RHOBTB1: variants seen among roughly 807,000 people sequenced by gnomAD.
The protein encoded by RHOBTB1 is rho-related BTB domain-containing protein 1.
In RHOBTB1, 40 loss-of-function variants were observed where a neutral mutation model predicts 71.6. The ratio of observed to expected loss-of-function variants is 0.56; its 90% CI spans 0.43 to 0.73. The LOEUF (loss-of-function observed/expected upper bound fraction) is 0.73. RHOBTB1 is among the 30% of genes least tolerant of loss of function. The pLI, the probability that RHOBTB1 is intolerant of heterozygous loss-of-function variation, is 0.00. For synonymous variants in RHOBTB1, 319 were observed against 334.9 expected (o/e 0.95, Z 0.52); for missense variants, 797 against 894.0 (o/e 0.89, Z 1.38).
intron 2 of RHOBTB1, among the ~76,000 whole-genome samples, chr10:60,971,434 A>G (rs879365880): frequency 6.6e-6 from 1 of 152,196 alleles, no homozygotes; most frequent in Non-Finnish European, 1.5e-5. Flanking sequence ...GACAAAAACA[A>G]GCAATGGGGA....
intron 2 of RHOBTB1, among the ~76,000 whole-genome samples, chr10:60,939,007 A>C (rs2084756181): frequency 6.6e-6 from 1 of 152,128 alleles, no homozygotes; most frequent in South Asian, 2.1e-4. Flanking sequence ...GAGAGACGGA[A>C]CCTGAGATCA....
At chr10:60,868,156 GCTAA>G (rs1209321732), downstream of RHOBTB1, among the ~76,000 whole-genome samples, 7 of 151,698 alleles carry the variant, frequency 4.6e-5, no homozygotes, top group African/African-American at 1.2e-4. Context: ...ATTCTCTCTG[GCTAA>G]CTTTTACCTC....
intron 2 of RHOBTB1, among the ~76,000 whole-genome samples, chr10:60,956,508 C>T (rs1464319443): frequency 2.0e-5 from 3 of 151,988 alleles, no homozygotes; most frequent in African/African-American, 7.3e-5. Flanking sequence ...ATTTTGTAAG[C>T]TTAATTTTTA....
chr10:60,910,752 T>C, intron 4 of RHOBTB1, 135 bp downstream of exon 4: 2 of 590,962 alleles, frequency 3.4e-6, no homozygotes, highest in Non-Finnish European at 3.0e-6. Flanking sequence ...TTCTTTTCCT[T>C]TTCTTAGACA....
the RHOBTB1 span, among the ~76,000 whole-genome samples, chr10:60,863,655 C>G: frequency 6.6e-6 from 1 of 152,092 alleles, no homozygotes; most frequent in Non-Finnish European, 1.5e-5. Flanking sequence ...GCCTCAGCCT[C>G]CCGAGTAGCT....
chr10:60,958,676 T>A (rs2085677049), intron 2 of RHOBTB1, among the ~76,000 whole-genome samples: 1 of 152,156 alleles, frequency 6.6e-6, no homozygotes, highest in African/African-American at 2.4e-5. Flanking sequence ...TGATCACAGT[T>A]CACTGCCTTG....
intron 2 of RHOBTB1, among the ~76,000 whole-genome samples, chr10:60,970,716 A>G (rs1003797608): frequency 6.6e-6 from 1 of 152,078 alleles, no homozygotes; most frequent in Non-Finnish European, 1.5e-5. Context: ...GAGCTTACAT[A>G]GCTTTTTTTT....
At chr10:60,953,047 G>A (rs1466771399) in intron 2 of RHOBTB1, among the ~76,000 whole-genome samples, 2 of 152,116 alleles carry the variant, frequency 1.3e-5, no homozygotes, top group Non-Finnish European at 2.9e-5. Context: ...GGATACTACA[G>A]TGATTGTACC....
chr10:60,886,721 G>GA (rs1564800047), intron 6 of RHOBTB1, among the ~76,000 whole-genome samples: 8 of 141,496 alleles, frequency 5.7e-5, no homozygotes, highest in African/African-American at 1.6e-4. Flanking sequence ...GAGATGTGGG[G>GA]GGGGGTGGGT....
chr10:60,907,200 G>A (rs1362356169), intron 4 of RHOBTB1, among the ~76,000 whole-genome samples: 2 of 152,152 alleles, frequency 1.3e-5, no homozygotes, highest in African/African-American at 4.8e-5. Flanking sequence ...TCTCAAATAT[G>A]TCTTTATTAC....
upstream of RHOBTB1, among the ~76,000 whole-genome samples, chr10:60,949,085 T>G (rs936840436): frequency 4.6e-5 from 7 of 152,198 alleles, no homozygotes; most frequent in Non-Finnish European, 8.8e-5. Context: ...AGGCTCTTCA[T>G]TAATGCTAAG....
intron 2 of RHOBTB1, among the ~76,000 whole-genome samples, chr10:60,970,092 A>G (rs1010608208): frequency 2.6e-5 from 4 of 152,144 alleles, no homozygotes; most frequent in African/African-American, 9.7e-5. Context: ...TCAGGGCATC[A>G]TCCAATGCTG....
chr10:60,967,023 G>A (rs908553125), intron 2 of RHOBTB1, among the ~76,000 whole-genome samples: 2 of 151,950 alleles, frequency 1.3e-5, no homozygotes, highest in Non-Finnish European at 2.9e-5. Flanking sequence ...GTTAACAATG[G>A]TGCTTTTGGG....
intron 2 of RHOBTB1, among the ~76,000 whole-genome samples, chr10:60,915,109 A>G (rs2083200176): frequency 6.6e-6 from 1 of 152,234 alleles, no homozygotes; most frequent in Non-Finnish European, 1.5e-5. Flanking sequence ...ATGGAAACTC[A>G]TGCTACAGTT....
chr10:60,918,563 G>T (rs2083390832), intron 2 of RHOBTB1, among the ~76,000 whole-genome samples: 1 of 152,136 alleles, frequency 6.6e-6, no homozygotes, highest in Non-Finnish European at 1.5e-5. Context: ...AGGCAAGCGT[G>T]CAAGACTCCT....
At chr10:61,000,946 G>T (rs1313786937) in intron 1 of RHOBTB1, among the ~76,000 whole-genome samples, 1 of 152,180 alleles carries the variant, frequency 6.6e-6, no homozygotes, top group East Asian at 1.9e-4. Context: ...CCTACTTTCA[G>T]AAGACCCCAG....
chr10:60,993,386 T>C (rs986334613), intron 1 of RHOBTB1, among the ~76,000 whole-genome samples: 2 of 152,236 alleles, frequency 1.3e-5, no homozygotes, highest in Admixed American at 1.3e-4. Context: ...TTATTCCTTA[T>C]TACAATACTC....
In RHOBTB1 at chr10:60,957,076, T is replaced by G. The variant is rs183933237; in HGVS notation, c.-61-15222A>C. 2.9e-3 allele frequency among the ~76,000 whole-genome samples: 438 copies of G among 152,304 alleles called. 2 individuals are homozygous for G. Among genetic ancestry groups the G allele is most frequent in the African/African-American group, 0.01 (426 of 41,578 alleles). ...TTGTCTTCTGGGGCAATAACATATA[T>G]GGAGCTGTCCTCTCCTATGATAACA... is the stretch of plus-strand genomic sequence containing the variant. On this transcript the variant is annotated intron_variant, in intron 2 of 11. Coordinates refer to the RHOBTB1 transcript ENST00000357917.
chr10:60,970,899 G>C (rs1192065129), intron 2 of RHOBTB1, among the ~76,000 whole-genome samples: 2 of 152,086 alleles, frequency 1.3e-5, no homozygotes, highest in South Asian at 4.2e-4. Flanking sequence ...TATTCATGGA[G>C]AGTCAAACTC....
Sources: gnomAD v4.1 joint callset for allele counts (sites outside exome capture counted in the v4.1 genomes callset) on GRCh38, gnomAD v4.1.1 for gene constraint, MANE v1.5 for transcripts, NCBI Gene and HGNC (gene_info 2026-07-23, HGNC 2026-07-21) for gene names.